The following ZNF273 variants were observed in gnomAD, a reference collection of about 807,000 sequenced individuals.
The protein encoded by ZNF273 is zinc finger protein 273.
Under a neutral mutation model 14.9 loss-of-function variants are expected in ZNF273, and 11 were observed. That is an observed-to-expected ratio of 0.74 (90% CI 0.46 to 1.22). The LOEUF (loss-of-function observed/expected upper bound fraction) is 1.22, where lower values mean the gene tolerates loss of function less well. ZNF273 is among the 50% of genes most tolerant of loss of function. The pLI is 0.00. For missense variants in ZNF273, 577 were observed against 660.6 expected (o/e 0.87, Z 1.39); for synonymous variants, 199 against 223.9 (o/e 0.89, Z 0.99).
At chr7:64,893,031 G>A (rs1445672403), downstream of ZNF273, among the ~76,000 whole-genome samples, 1 of 152,150 alleles carries the variant, frequency 6.6e-6, no homozygotes, top group Non-Finnish European at 1.5e-5. Flanking sequence ...TGGCACAGCT[G>A]CCGGCATTCA....
downstream of ZNF273, among the ~76,000 whole-genome samples, chr7:64,892,089 A>G (rs1214193611): frequency 6.6e-6 from 1 of 152,260 alleles, no homozygotes; most frequent in African/African-American, 2.4e-5. Flanking sequence ...AGGCTGACAG[A>G]AATAAAACTG....
In ZNF273 at chr7:64,912,750, T is replaced by A. The variant is rs114313637; in HGVS notation, c.103-4831T>A. On this transcript the variant is annotated intron_variant, in intron 1 of 3. Coordinates refer to ENST00000476120, the MANE Select transcript of ZNF273 (RefSeq NM_021148.3). ...AGATTATATGTAGATATTTTTCTGC[T>A]TTTTTGAATATATGTAAATCATATG... 9.0e-3 allele frequency among the ~76,000 whole-genome samples: 1,374 copies of A among 151,886 alleles called. 16 individuals are homozygous for A. The highest frequency in any genetic ancestry group is 0.031 in the African/African-American group (1,304 of 41,460).
intron 3 of ZNF273, among the ~76,000 whole-genome samples, chr7:64,896,941 T>G (rs1583972394): frequency 6.6e-6 from 1 of 152,320 alleles, no homozygotes; most frequent in South Asian, 2.1e-4. Context: ...ATGTGGTATA[T>G]TTACACAATG....
In ZNF273 at chr7:64,921,860, C is replaced by G. The variant is rs539391809; in HGVS notation, c.325+3568C>G. Among the ~76,000 whole-genome samples the G allele has an allele frequency of 1.2e-4, 18 of 151,950 alleles. 1 individual carries two copies. The South Asian group carries it at 3.5e-3, about 30-fold the overall frequency. ...GCCAGGCTGGTCTCGAACTCCTGACCTCAGGTGACCCACCCACCTCGGCCT... is the reference window on the plus strand; with the variant it reads ...GCCAGGCTGGTCTCGAACTCCTGACGTCAGGTGACCCACCCACCTCGGCCT... On this transcript the variant is annotated intron_variant, in intron 3 of 3. Transcript: ENST00000476120.
Position 64,928,496 on chromosome 7 carries a change from A to C in ZNF273, c.1168A>C (p.Thr390Pro). 1.2e-6 allele frequency: 2 copies of C among 1,613,876 alleles called. No homozygotes were observed. Among genetic ancestry groups the C allele is most frequent in the Non-Finnish European group, 1.7e-6 (2 of 1,179,944 alleles). ...GKAFNQSSTLTRHKIVHTGEK... is the reference protein window; with the variant it reads ...GKAFNQSSTLPRHKIVHTGEK... ...AGCTTTTAACCAGTCCTCAACCCTT[A>C]CTAGACATAAGATAGTTCATACTGG... is the stretch of plus-strand genomic sequence containing the variant. Residue 390 changes from threonine to proline, a missense_variant, in exon 4 of 4, where the codon ACT (threonine) becomes CCT (proline). By Grantham distance (38) the Thr-to-Pro change is conservative. Transcript: ENST00000476120.
At chr7:64,905,164 G>A (rs1355718702) in intron 1 of ZNF273, among the ~76,000 whole-genome samples, 9 of 144,178 alleles carry the variant, frequency 6.2e-5, no homozygotes, top group South Asian at 2.2e-4. Context: ...CGCCCAGGCT[G>A]GAGTGCAATG....
In ZNF273 at chr7:64,929,148, G is replaced by A. The variant is rs1794914469; in HGVS notation, c.*110G>A. 3.2e-4 allele frequency: 3 copies of A among 9,296 alleles called. No individual in the cohort carries two copies. The highest frequency in any genetic ancestry group is 7.1e-4 in the Non-Finnish European group (3 of 4,238). 0.6% of individuals were successfully genotyped at this position (9,296 alleles called of 1,614,324 possible). A position where few individuals can be genotyped will look rare whatever the true frequency, so the allele number is the denominator to read the frequency against. On this transcript the variant is annotated 3_prime_UTR_variant, in exon 4 of 4. Coordinates refer to ENST00000476120, the MANE Select transcript of ZNF273 (RefSeq NM_021148.3). ...AAGTGGAGTTTTCCTTATTGCACAG[G>A]AAAGCATTTATACTTGAGAAAAATT...
chr7:64,916,111 G>A (rs1413632424), intron 1 of ZNF273, among the ~76,000 whole-genome samples: 4 of 152,028 alleles, frequency 2.6e-5, no homozygotes, highest in Non-Finnish European at 5.9e-5. Context: ...CAGGAGAATC[G>A]CTTGAGCCTG....
At position 64,912,827 on chromosome 7, in the gene ZNF273, T is replaced by TTTTTTGTTGTTGTTG. The variant is rs796732800; in HGVS notation, c.103-4749_103-4748insGTTGTTGTTGTTTTT. 2.4e-4 allele frequency among the ~76,000 whole-genome samples: 11 copies of TTTTTTGTTGTTGTTG among 45,978 alleles called. 1 individual carries two copies. The East Asian group carries it at 3.5e-3, about 14-fold the overall frequency. 30.2% of individuals were successfully genotyped at this position (45,978 alleles called of 152,430 possible). A position where few individuals can be genotyped will look rare whatever the true frequency, so the allele number is the denominator to read the frequency against. On this transcript the variant is annotated intron_variant, in intron 1 of 3. Transcript: ENST00000476120. ...CTTTTTGACTCAGGATTCATTTTAG[T>TTTTTTGTTGTTGTTG]TTTTTTTTTTTTTTTTTTTGAGATT... is the stretch of plus-strand genomic sequence containing the variant.
downstream of ZNF273, among the ~76,000 whole-genome samples, chr7:64,883,828 G>T (rs1246259550): frequency 6.6e-6 from 1 of 152,186 alleles, no homozygotes; most frequent in Non-Finnish European, 1.5e-5. Context: ...TGGCTCAAAG[G>T]CTTCTACAGT....
chr7:64,878,065 G>A (rs753136248), intron 1 of ZNF273, among the ~76,000 whole-genome samples: 43 of 152,228 alleles, frequency 2.8e-4, no homozygotes, highest in South Asian at 2.1e-4. Flanking sequence ...TTTAAGCGGC[G>A]TCTGCTGAAA....
chr7:64,924,979 T>C (rs1021566610), intron 3 of ZNF273, among the ~76,000 whole-genome samples: 3 of 152,078 alleles, frequency 2.0e-5, no homozygotes, highest in African/African-American at 7.2e-5. Context: ...ATTTTTGTAT[T>C]TTTAGAAGAG....
rs369551652 is a variant in ZNF273 at position 64,928,687 on chromosome 7, T to C, written c.1359T>C (p.Thr453=). The C allele has an allele frequency of 1.3e-5, 21 of 1,605,850 alleles. No individual in the cohort carries two copies. Among genetic ancestry groups the C allele is most frequent in the Admixed American group, 1.7e-5 (1 of 59,868 alleles). The part of the protein sequence containing the change: ...STLTKHKIIH[T]GAKPYKCEEC... ...TTACTAAACATAAGATAATTCATAC[T>C]GGAGCAAAACCTTACAAATGTGAAG... Residue 453 remains threonine (T), a synonymous_variant, in exon 4 of 4, where the codon ACT becomes ACC. Transcript: ENST00000476120.
In ZNF273 at chr7:64,917,686, TAC is replaced by T; in HGVS notation, c.210_211del (p.Tyr70Ter). 1 of 1,595,908 alleles carries T rather than the reference TAC, an allele frequency of 6.3e-7. No homozygotes were observed. The highest frequency in any genetic ancestry group is 1.7e-4 in the Middle Eastern group (1 of 5,924). The part of the protein sequence containing the change: ...NLYRNVMLDN[Y>X]RNLVFLGIAV... Reference sequence around the variant, plus strand: ...GTATAGGAATGTGATGTTAGATAACTACAGAAACCTGGTCTTCCTGGGTGAGG... The same window carrying T: ...GTATAGGAATGTGATGTTAGATAACTAGAAACCTGGTCTTCCTGGGTGAGG... On this transcript the variant is annotated frameshift_variant, in exon 2 of 4. Transcript: ENST00000476120. LOFTEE classifies it high-confidence loss of function.
downstream of ZNF273, among the ~76,000 whole-genome samples, chr7:64,882,318 G>C (rs918536100): frequency 8.7e-6 from 1 of 115,040 alleles, no homozygotes; most frequent in African/African-American, 3.5e-5. Flanking sequence ...TCCTCCAGGG[G>C]GAGCCGACCA....
chr7:64,931,043 A>G (rs1378510464), downstream of ZNF273: 3 of 152,198 alleles, frequency 2.0e-5, no homozygotes, highest in Non-Finnish European at 4.4e-5. Flanking sequence ...CTGCAAACAT[A>G]TAAAGACTCA....
chr7:64,922,442 C>T (rs1794539582), intron 3 of ZNF273, among the ~76,000 whole-genome samples: 2 of 151,850 alleles, frequency 1.3e-5, no homozygotes, highest in African/African-American at 4.8e-5. Context: ...GATTCTCCTT[C>T]CTCAGCCTCC....
downstream of ZNF273, chr7:64,888,938 G>T (rs1791783350): frequency 1.0e-6 from 1 of 980,380 alleles, no homozygotes; most frequent in Non-Finnish European, 1.2e-6. Flanking sequence ...CTCTGGTGGA[G>T]CCCAGGGTGT....
downstream of ZNF273, chr7:64,890,033 A>G (rs996233120): frequency 6.6e-6 from 1 of 152,304 alleles, no homozygotes. Context: ...GAGATGTGCG[A>G]CGCAGCCTCC....
Sources: allele counts gnomAD v4.1 joint callset (sites outside exome capture counted in the v4.1 genomes callset), GRCh38; gene constraint gnomAD v4.1.1; transcripts MANE v1.5; gene names NCBI Gene and HGNC (gene_info 2026-07-23, HGNC 2026-07-21).